The following SGCD variants were observed in gnomAD, a reference collection of about 807,000 sequenced individuals.
SGCD encodes the protein sarcoglycan delta.
A neutral mutation model predicts 36.6 loss-of-function variants in SGCD; 18 were observed. The ratio of observed to expected loss-of-function variants is 0.49; its 90% CI spans 0.34 to 0.73. The LOEUF is 0.73. SGCD is among the 30% of genes least tolerant of loss of function. The pLI, the probability that SGCD is intolerant of heterozygous loss-of-function variation, is 0.01. For synonymous variants in SGCD, 133 were observed against 130.6 expected (o/e 1.02, Z -0.12); for missense variants, 387 against 346.7 (o/e 1.12, Z -0.92).
intron 3 of SGCD, among the ~76,000 whole-genome samples, chr5:156,219,835 C>T (rs1267084443): frequency 2.0e-5 from 3 of 152,052 alleles, no homozygotes; most frequent in Admixed American, 2.0e-4. Flanking sequence ...GTTTTAGCCC[C>T]GTATTGGAGA....
intron 1 of SGCD, among the ~76,000 whole-genome samples, chr5:156,099,475 C>T (rs1424958490): frequency 3.3e-5 from 5 of 152,276 alleles, no homozygotes; most frequent in South Asian, 2.1e-4. Flanking sequence ...AATGCAGTGG[C>T]GCCATCTTGG....
chr5:156,736,503 C>A (rs1362397514), intron 7 of SGCD, among the ~76,000 whole-genome samples: 1 of 152,134 alleles, frequency 6.6e-6, no homozygotes, highest in Admixed American at 6.5e-5. Context: ...AAACACTTAC[C>A]TTTTAGTGAG....
intron 3 of SGCD, among the ~76,000 whole-genome samples, chr5:156,361,600 G>C (rs59973825): frequency 0.025 from 3,881 of 152,302 alleles, 160 homozygotes; most frequent in African/African-American, 0.088. Context: ...ATAAGTTTCA[G>C]TTGCTAAAAT....
intron 6 of SGCD, among the ~76,000 whole-genome samples, chr5:156,603,321 C>T (rs1244135399): frequency 6.6e-6 from 1 of 151,842 alleles, no homozygotes; most frequent in African/African-American, 2.4e-5. Flanking sequence ...TTTGAGTCTT[C>T]TCTTTTTGTA....
In SGCD at chr5:156,508,614, A is replaced by AT. The variant is rs1418824564; in HGVS notation, c.206_207insT (p.Leu70ProfsTer15). ...GTTCTATTTCAGGATGGAATGGGAA[A>AT]CCTGAGGATCACAGAAAAAGGTCTA... On this transcript the variant is annotated frameshift_variant, in exon 4 of 9. Coordinates refer to ENST00000337851, the MANE Select transcript of SGCD (RefSeq NM_000337.6). LOFTEE classifies it high-confidence loss of function. 2.5e-6 allele frequency: 4 copies of AT among 1,606,880 alleles called. No homozygotes were observed.
intron 3 of SGCD, among the ~76,000 whole-genome samples, chr5:156,433,120 A>G (rs527871284): frequency 1.3e-5 from 2 of 152,322 alleles, no homozygotes; most frequent in African/African-American, 4.8e-5. Context: ...ACTTACAACA[A>G]ATATAAAGTT....
At chr5:156,259,206 C>T (rs4134197) in intron 3 of SGCD, among the ~76,000 whole-genome samples, 24,066 of 151,384 alleles carry the variant, frequency 0.16, 2,108 homozygotes, top group Admixed American at 0.21. Context: ...CCATTTGCTT[C>T]ATTCTGTTTG....
chr5:155,955,510 G>A lies in SGCD; in HGVS notation c.-282+85086G>A, dbSNP rs188963098. 5.3e-5 allele frequency among the ~76,000 whole-genome samples: 8 copies of A among 152,212 alleles called. No homozygotes were observed. The East Asian group carries it at 7.7e-4, about 15-fold the overall frequency. ...ATGTTATCTATGCAAACACTTGATT[G>A]CAGGCTATATTGGAGACACTTTTAT... On this transcript the variant is annotated intron_variant, in intron 1 of 9. Coordinates refer to the SGCD transcript ENST00000517913.
intron 1 of SGCD, among the ~76,000 whole-genome samples, chr5:155,961,938 A>C (rs1480367846): frequency 6.6e-6 from 1 of 152,156 alleles, no homozygotes; most frequent in African/African-American, 2.4e-5. Flanking sequence ...AAGGGGATTA[A>C]GCAAATAATT....
At chr5:156,285,443 C>T (rs536090393) in intron 3 of SGCD, among the ~76,000 whole-genome samples, 13 of 152,230 alleles carry the variant, frequency 8.5e-5, no homozygotes, top group Middle Eastern at 3.4e-3. Flanking sequence ...GCTACAGTAA[C>T]CAAAACAGCA....
At chr5:156,319,237 G>A (rs1767597445) in intron 3 of SGCD, among the ~76,000 whole-genome samples, 1 of 152,140 alleles carries the variant, frequency 6.6e-6, no homozygotes, top group Admixed American at 6.5e-5. Flanking sequence ...TGTTGAAGTT[G>A]ATCAAACTGG....
chr5:156,340,498 A>G (rs1298297126), intron 2 of SGCD, among the ~76,000 whole-genome samples: 1 of 152,232 alleles, frequency 6.6e-6, no homozygotes, highest in Non-Finnish European at 1.5e-5. Context: ...GCTGCAAACC[A>G]TATAAATATA....
At chr5:155,903,046 A>G (rs1232013492) in intron 1 of SGCD, among the ~76,000 whole-genome samples, 2 of 152,238 alleles carry the variant, frequency 1.3e-5, no homozygotes, top group Admixed American at 6.5e-5. Context: ...AAACATTGCT[A>G]AAACATGAAA....
chr5:156,654,507 G>A (rs533273823), intron 7 of SGCD, among the ~76,000 whole-genome samples: 3 of 151,978 alleles, frequency 2.0e-5, no homozygotes, highest in African/African-American at 4.8e-5. Context: ...CTTTCCTTTG[G>A]GGGGGTCCAA....
chr5:156,260,753 T>C lies in SGCD; in HGVS notation c.-43-68781T>C, dbSNP rs57576973. On this transcript the variant is annotated intron_variant, in intron 3 of 9. Transcript: ENST00000517913. The stretch of plus-strand genomic sequence containing the variant: ...AGAAGCACTGAGAATAAATATTGTT[T>C]TCTCTTTTCCTGAATCTTAAGAGTA... Among the ~76,000 whole-genome samples, 1,352 of 152,300 alleles carry C rather than the reference T, an allele frequency of 8.9e-3. 15 individuals are homozygous for C. Among genetic ancestry groups the C allele is most frequent in the African/African-American group, 0.031 (1,304 of 41,590 alleles).
chr5:156,077,280 C>A (rs1432274176), intron 1 of SGCD, among the ~76,000 whole-genome samples: 1 of 152,134 alleles, frequency 6.6e-6, no homozygotes, highest in African/African-American at 2.4e-5. Flanking sequence ...TTCTGTGAAG[C>A]CCTCTTGGAT....
intron 1 of SGCD, among the ~76,000 whole-genome samples, chr5:155,960,387 C>A (rs943674555): frequency 5.9e-5 from 9 of 152,024 alleles, no homozygotes; most frequent in Non-Finnish European, 1.2e-4. Context: ...ATAGTCCTTT[C>A]CCTAGCCCAG....
intron 4 of SGCD, among the ~76,000 whole-genome samples, chr5:156,545,305 A>G (rs1181077126): frequency 1.3e-5 from 2 of 152,160 alleles, no homozygotes; most frequent in African/African-American, 4.8e-5. Context: ...GATTGGCATG[A>G]AGTCTGGAGC....
intron 7 of SGCD, among the ~76,000 whole-genome samples, chr5:156,712,876 CA>C (rs1260733344): frequency 6.6e-6 from 1 of 152,114 alleles, no homozygotes; most frequent in Non-Finnish European, 1.5e-5. Flanking sequence ...GCACTTAAAC[CA>C]GTGGGAAACT....
Sources: gnomAD v4.1 joint callset for allele counts (sites outside exome capture counted in the v4.1 genomes callset) on GRCh38, gnomAD v4.1.1 for gene constraint, MANE v1.5 for transcripts, NCBI Gene and HGNC (gene_info 2026-07-23, HGNC 2026-07-21) for gene names.